Variants in TM9SF2 observed in about 807,000 individuals in gnomAD.
The protein encoded by TM9SF2 is 76 kDa membrane protein.
Under a neutral mutation model 84.9 loss-of-function variants are expected in TM9SF2, and 13 were observed. The observed-to-expected ratio is 0.15, with a 90% CI of 0.10 to 0.24. The LOEUF (loss-of-function observed/expected upper bound fraction) is 0.24. Ranked by LOEUF, TM9SF2 falls within the 10% of genes least tolerant of loss-of-function variation. TM9SF2 has a pLI of 1.00. For synonymous variants in TM9SF2, 273 were observed against 285.8 expected, an observed-to-expected ratio of 0.96 and a Z score of 0.45; for missense variants, 562 against 818.5, an observed-to-expected ratio of 0.69 and a Z score of 3.82.
At chr13:99,521,816 C>T (rs1265436899) in intron 3 of TM9SF2, among the ~76,000 whole-genome samples, 1 of 152,036 alleles carries the variant, frequency 6.6e-6, no homozygotes, top group Non-Finnish European at 1.5e-5. Context: ...AAGTGATCCT[C>T]CTGTCTCACT....
chr13:99,531,333 G>T (rs1437943348), intron 4 of TM9SF2, among the ~76,000 whole-genome samples: 1 of 152,174 alleles, frequency 6.6e-6, no homozygotes, highest in Admixed American at 6.5e-5. Flanking sequence ...CAGGAGGACT[G>T]TGTTCATGCA....
At chr13:99,503,536 G>A (rs1343942324) in intron 1 of TM9SF2, among the ~76,000 whole-genome samples, 4 of 151,788 alleles carry the variant, frequency 2.6e-5, no homozygotes, top group Admixed American at 2.0e-4. Flanking sequence ...TGGTGAAACC[G>A]CGTCTCTACT....
chr13:99,549,957 A>T (rs1468768997), intron 12 of TM9SF2, among the ~76,000 whole-genome samples: 7 of 152,222 alleles, frequency 4.6e-5, no homozygotes, highest in Non-Finnish European at 8.8e-5. Flanking sequence ...TCCACCGAAG[A>T]TTCACATTCT....
intron 4 of TM9SF2, among the ~76,000 whole-genome samples, chr13:99,532,863 G>C (rs2046217022): frequency 6.6e-6 from 1 of 152,104 alleles, no homozygotes; most frequent in South Asian, 2.1e-4. Context: ...CAACTATTCT[G>C]CTTTAAAAAA....
chr13:99,534,369 A>T (rs536849144), intron 4 of TM9SF2, among the ~76,000 whole-genome samples: 1 of 152,168 alleles, frequency 6.6e-6, no homozygotes, highest in East Asian at 1.9e-4. Flanking sequence ...GAATACTCCA[A>T]ATGTACTCAT....
chr13:99,525,022 G>T (rs1002994605), intron 3 of TM9SF2, among the ~76,000 whole-genome samples: 1 of 152,026 alleles, frequency 6.6e-6, no homozygotes, highest in Non-Finnish European at 1.5e-5. Context: ...GTCACTGATG[G>T]GTCAGGTGAG....
intron 1 of TM9SF2, among the ~76,000 whole-genome samples, chr13:99,503,573 G>A (rs1004558093): frequency 6.6e-6 from 1 of 152,114 alleles, no homozygotes; most frequent in Non-Finnish European, 1.5e-5. Flanking sequence ...GCTGGGCGTG[G>A]TGGCGGGCAT....
chr13:99,561,165 C>T (rs190051654), intron 16 of TM9SF2, among the ~76,000 whole-genome samples: 1 of 152,222 alleles, frequency 6.6e-6, no homozygotes, highest in East Asian at 1.9e-4. Context: ...GAGTAGTGAG[C>T]CCTTTAAATG....
At chr13:99,535,381 A>G (rs540452440) in intron 4 of TM9SF2, among the ~76,000 whole-genome samples, 3 of 152,364 alleles carry the variant, frequency 2.0e-5, no homozygotes, top group African/African-American at 7.2e-5. Context: ...TGAAGATACT[A>G]TATATTGCTA....
chr13:99,509,454 A>G (rs138507563), intron 1 of TM9SF2, among the ~76,000 whole-genome samples: 2 of 152,320 alleles, frequency 1.3e-5, no homozygotes, highest in African/African-American at 4.8e-5. Context: ...ATCCTCTGAA[A>G]TCTAGGCAGA....
intron 6 of TM9SF2, among the ~76,000 whole-genome samples, chr13:99,538,513 A>G (rs1389729802): frequency 6.6e-6 from 1 of 151,922 alleles, no homozygotes; most frequent in Non-Finnish European, 1.5e-5. Context: ...AAGATTATTT[A>G]GCCAGGCACA....
intron 4 of TM9SF2, among the ~76,000 whole-genome samples, chr13:99,534,303 C>T (rs910619978): frequency 6.6e-6 from 1 of 152,074 alleles, no homozygotes; most frequent in Non-Finnish European, 1.5e-5. Flanking sequence ...ATCCCAGATC[C>T]CACCAAGTTA....
chr13:99,561,318 C>T lies in TM9SF2; in HGVS notation c.1925-1373C>T, dbSNP rs112706667. 2.6e-3 allele frequency among the ~76,000 whole-genome samples: 390 copies of T among 152,248 alleles called. 2 individuals are homozygous for T. Among genetic ancestry groups the T allele is most frequent in the Non-Finnish European group, 2.7e-3 (187 of 68,020 alleles). On this transcript the variant is annotated intron_variant, in intron 16 of 16. Coordinates refer to ENST00000376387, the MANE Select transcript of TM9SF2 (RefSeq NM_004800.3). The stretch of plus-strand genomic sequence containing the variant: ...AAAAGGAAAGACGCCACTTTTAGTA[C>T]GTACATATATTCCATATTAAGAACA...
intron 9 of TM9SF2, 52 bp downstream of exon 9, chr13:99,541,719 A>T: frequency 8.0e-7 from 1 of 1,246,714 alleles, no homozygotes; most frequent in South Asian, 1.5e-5. Context: ...GTTTATTGTT[A>T]TTTTGCAAAA....
chr13:99,505,216 G>C (rs986388162), intron 1 of TM9SF2, among the ~76,000 whole-genome samples: 8 of 146,840 alleles, frequency 5.4e-5, no homozygotes, highest in African/African-American at 2.0e-4. Flanking sequence ...GCAGTGGCAC[G>C]ATCTTGGCTC....
intron 4 of TM9SF2, among the ~76,000 whole-genome samples, chr13:99,536,387 C>A (rs991465494): frequency 6.6e-6 from 1 of 151,264 alleles, no homozygotes; most frequent in African/African-American, 2.4e-5. Context: ...CCACTGCACT[C>A]GGACCAGCCT....
At chr13:99,555,357 T>C (rs1390894825) in intron 14 of TM9SF2, among the ~76,000 whole-genome samples, 179 bp from the exon 15 acceptor site, 1 of 152,182 alleles carries the variant, frequency 6.6e-6, no homozygotes, top group Non-Finnish European at 1.5e-5. Flanking sequence ...TACTGACATA[T>C]CCTTCCTACT....
chr13:99,505,264 T>C (rs2046084013), intron 1 of TM9SF2, among the ~76,000 whole-genome samples: 1 of 151,508 alleles, frequency 6.6e-6, no homozygotes, highest in African/African-American at 2.4e-5. Context: ...GCAATTATCC[T>C]GCCTCAGCCC....
At chr13:99,538,319 CTTA>C (rs1015163528) in intron 6 of TM9SF2, among the ~76,000 whole-genome samples, 9 of 152,040 alleles carry the variant, frequency 5.9e-5, no homozygotes, top group Non-Finnish European at 1.2e-4. Flanking sequence ...ATCTCTTCAA[CTTA>C]TTATTTTTTA....
Sources: gnomAD v4.1 joint callset for allele counts (sites outside exome capture counted in the v4.1 genomes callset) on GRCh38, gnomAD v4.1.1 for gene constraint, MANE v1.5 for transcripts, NCBI Gene and HGNC (gene_info 2026-07-23, HGNC 2026-07-21) for gene names.